Variants in DENND4C observed in about 807,000 individuals in gnomAD.
The protein encoded by DENND4C is DENN domain containing 4C.
A neutral mutation model predicts 203.0 loss-of-function variants in DENND4C; 108 were observed. The observed-to-expected ratio is 0.53, with a 90% CI of 0.46 to 0.62. The LOEUF is 0.62. Ranked by LOEUF, DENND4C falls within the 20% of genes least tolerant of loss-of-function variation. The probability of loss-of-function intolerance (pLI) is 0.00; values close to 1 mark genes in which losing one functional copy is unlikely to be tolerated. For missense variants in DENND4C, 2,481 were observed against 2,301.2 expected, an observed-to-expected ratio of 1.08 and a Z score of -1.60; for synonymous variants, 871 against 792.4, an observed-to-expected ratio of 1.10 and a Z score of -1.67.
intron 28 of DENND4C, among the ~76,000 whole-genome samples, chr9:19,359,165 C>G (rs1341828943): frequency 6.6e-6 from 1 of 151,690 alleles, no homozygotes; most frequent in East Asian, 1.9e-4. Flanking sequence ...AGTTGAGTCC[C>G]TGTCATTCTC....
intron 23 of DENND4C, among the ~76,000 whole-genome samples, chr9:19,347,702 A>G (rs550342153): frequency 6.6e-6 from 1 of 152,364 alleles, no homozygotes; most frequent in African/African-American, 2.4e-5. Flanking sequence ...ATAATTCCAT[A>G]CACTAGTCTA....
intron 1 of DENND4C, among the ~76,000 whole-genome samples, chr9:19,252,315 C>T (rs896380853): frequency 2.0e-5 from 3 of 152,166 alleles, no homozygotes; most frequent in Non-Finnish European, 2.9e-5. Context: ...CCCTGTGATT[C>T]AATTACCTCT....
chr9:19,356,861 A>G (rs927364590), intron 26 of DENND4C, 111 bp from the exon 27 acceptor site: 114 of 1,030,010 alleles, frequency 1.1e-4, no homozygotes, highest in Non-Finnish European at 1.5e-4. Context: ...TCTGGATTAT[A>G]TATAATTTTA....
intron 6 of DENND4C, among the ~76,000 whole-genome samples, 197 bp from the exon 7 acceptor site, chr9:19,297,859 A>G (rs550057706): frequency 3.3e-5 from 5 of 152,142 alleles, no homozygotes; most frequent in Admixed American, 6.5e-5. Context: ...AAGTCAGGAA[A>G]TACATTGTGT....
chr9:19,370,034 T>G, intron 31 of DENND4C, 47 bp downstream of exon 31: 1 of 1,600,148 alleles, frequency 6.2e-7, no homozygotes, highest in Non-Finnish European at 8.6e-7. Flanking sequence ...TCATTTCATG[T>G]TTTTAAAAAA....
At chr9:19,255,341 G>T (rs1001779878) in intron 1 of DENND4C, among the ~76,000 whole-genome samples, 1 of 152,044 alleles carries the variant, frequency 6.6e-6, no homozygotes, top group Admixed American at 6.6e-5. Context: ...GGAGTTTGAG[G>T]CTGAAGTGAG....
At chr9:19,324,303 T>A (rs1843360468) in intron 12 of DENND4C, 59 bp from the exon 13 acceptor site, 1 of 1,317,468 alleles carries the variant, frequency 7.6e-7, no homozygotes, top group Non-Finnish European at 1.1e-6. Context: ...GTTTAATGTT[T>A]CCTATAATAT....
At chr9:19,270,055 A>G (rs1784866841) in intron 1 of DENND4C, among the ~76,000 whole-genome samples, 1 of 152,178 alleles carries the variant, frequency 6.6e-6, no homozygotes, top group South Asian at 2.1e-4. Flanking sequence ...GGTAATAGCC[A>G]GTATTCCCTG....
intron 1 of DENND4C, among the ~76,000 whole-genome samples, chr9:19,236,355 A>T (rs1001057719): frequency 5.3e-5 from 8 of 152,234 alleles, no homozygotes; most frequent in Admixed American, 3.3e-4. Context: ...TACATAGAAT[A>T]AGACATCTGA....
chr9:19,307,081 G>C (rs1322262515), intron 10 of DENND4C, among the ~76,000 whole-genome samples: 2 of 152,034 alleles, frequency 1.3e-5, no homozygotes, highest in Non-Finnish European at 2.9e-5. Flanking sequence ...ACTGTGCCCG[G>C]CATGCTCAAT....
In DENND4C at chr9:19,238,956, A is replaced by G. The variant is rs1352292039; in HGVS notation, c.-18+8123A>G. ...GCAGGAGCCACCTTGCCTAGCCTATAATATTCCTTTGTTCTTTTTTTAATG... is the reference window on the plus strand; with the variant it reads ...GCAGGAGCCACCTTGCCTAGCCTATGATATTCCTTTGTTCTTTTTTTAATG... On this transcript the variant is annotated intron_variant, in intron 1 of 32. Transcript: ENST00000434457. Among the ~76,000 whole-genome samples the G allele has an allele frequency of 5.9e-5, 9 of 151,340 alleles. 1 individual carries two copies. The South Asian group carries it at 6.3e-4, about 11-fold the overall frequency.
intron 9 of DENND4C, among the ~76,000 whole-genome samples, chr9:19,305,073 ATG>A (rs1839402285): frequency 6.6e-6 from 1 of 152,094 alleles, no homozygotes; most frequent in Non-Finnish European, 1.5e-5. Context: ...TAAAATTGGA[ATG>A]TGTGCTTTGT....
At chr9:19,367,935 T>C (rs570501825) in intron 30 of DENND4C, among the ~76,000 whole-genome samples, 2 of 152,298 alleles carry the variant, frequency 1.3e-5, no homozygotes, top group South Asian at 4.1e-4. Context: ...ATATCCAGAA[T>C]AAGAAAATGT....
intron 21 of DENND4C, among the ~76,000 whole-genome samples, chr9:19,342,096 C>T (rs1821784478): frequency 6.9e-6 from 1 of 145,002 alleles, no homozygotes; most frequent in Non-Finnish European, 1.5e-5. Flanking sequence ...TGCACTCTAG[C>T]CTGGGCGACA....
At chr9:19,241,299 C>G (rs1223393261) in intron 1 of DENND4C, among the ~76,000 whole-genome samples, 1 of 152,124 alleles carries the variant, frequency 6.6e-6, no homozygotes, top group African/African-American at 2.4e-5. Context: ...CGTAACAACA[C>G]TTAAATACAA....
At position 19,346,704 on chromosome 9, in the gene DENND4C, C is replaced by G. The variant is rs762695521; in HGVS notation, c.3935C>G (p.Ser1312Cys). Residue 1312 changes from serine (S) to cysteine (C), a missense_variant, in exon 23 of 33, where the codon TCT (serine) becomes TGT (cysteine). Transcript: ENST00000434457. The stretch of plus-strand genomic sequence containing the variant: ...TTACACAGAGAGGAAAACAGAGAGT[C>G]TGGCATGACTACTGCATTTATTCAT... ...MELHREENRE[S>C]GMTTAFIHAL... 6.2e-7 allele frequency: 1 copy of G among 1,614,138 alleles called. No homozygotes were observed. The highest frequency in any genetic ancestry group is 2.2e-5 in the East Asian group (1 of 44,872).
intron 1 of DENND4C, among the ~76,000 whole-genome samples, chr9:19,242,404 A>G (rs559314709): frequency 7.2e-5 from 11 of 152,222 alleles, no homozygotes; most frequent in Admixed American, 1.3e-4. Flanking sequence ...TTGTGTAACT[A>G]TAAGTTTTTA....
chr9:19,260,305 C>T (rs963813726), intron 1 of DENND4C, among the ~76,000 whole-genome samples: 1 of 151,888 alleles, frequency 6.6e-6, no homozygotes, highest in African/African-American at 2.4e-5. Flanking sequence ...AGATATTTTG[C>T]CTGTTTTTAA....
chr9:19,263,634 T>C (rs913908125), intron 1 of DENND4C, among the ~76,000 whole-genome samples: 1 of 150,650 alleles, frequency 6.6e-6, no homozygotes, highest in Non-Finnish European at 1.5e-5. Flanking sequence ...TCATTGGAGA[T>C]AGTGGCCTGT....
Sources: gnomAD v4.1 joint callset for allele counts (sites outside exome capture counted in the v4.1 genomes callset) on GRCh38, gnomAD v4.1.1 for gene constraint, MANE v1.5 for transcripts, NCBI Gene and HGNC (gene_info 2026-07-23, HGNC 2026-07-21) for gene names.